TMTC2: variants seen among roughly 807,000 people sequenced by gnomAD.
TMTC2 encodes the protein protein O-mannosyl-transferase TMTC2.
TMTC2 carries 43 observed loss-of-function variants against 82.4 expected under a neutral mutation model. That is an observed-to-expected ratio of 0.52 (90% CI 0.41 to 0.67). TMTC2 has a LOEUF of 0.67. TMTC2 is among the 30% of genes least tolerant of loss of function. The pLI is 0.00. For missense variants in TMTC2, 919 were observed against 1,012.4 expected, an observed-to-expected ratio of 0.91 and a Z score of 1.25; for synonymous variants, 408 against 381.9, an observed-to-expected ratio of 1.07 and a Z score of -0.80.
chr12:82,955,792 T>C (rs1411125335), intron 4 of TMTC2, among the ~76,000 whole-genome samples: 2 of 152,146 alleles, frequency 1.3e-5, no homozygotes, highest in South Asian at 2.1e-4. Context: ...TTGTCTGTTG[T>C]TCTAAAAGAT....
At chr12:82,719,085 ATT>A (rs71068944) in intron 1 of TMTC2, among the ~76,000 whole-genome samples, 62 of 41,378 alleles carry the variant, frequency 1.5e-3, no homozygotes, top group African/African-American at 7.1e-3. Context: ...ATATATATAT[ATT>A]TTTTTTTTTT....
intron 11 of TMTC2, among the ~76,000 whole-genome samples, chr12:83,103,166 G>A (rs1454430573): frequency 6.6e-6 from 1 of 152,166 alleles, no homozygotes; most frequent in Non-Finnish European, 1.5e-5. Flanking sequence ...GAGGATGGAG[G>A]TCCAATATCC....
At chr12:82,837,979 G>C (rs950752770) in intron 1 of TMTC2, among the ~76,000 whole-genome samples, 2 of 152,154 alleles carry the variant, frequency 1.3e-5, no homozygotes, top group Non-Finnish European at 2.9e-5. Flanking sequence ...AATCTTGGTT[G>C]AAAATCTTTA....
intron 9 of TMTC2, among the ~76,000 whole-genome samples, chr12:83,047,154 G>A (rs1358519084): frequency 1.3e-5 from 2 of 152,138 alleles, no homozygotes; most frequent in Non-Finnish European, 2.9e-5. Context: ...GTTCCACTAT[G>A]GGAAGCCCAA....
chr12:83,106,551 C>T (rs1015365378), intron 11 of TMTC2, among the ~76,000 whole-genome samples: 1 of 149,582 alleles, frequency 6.7e-6, no homozygotes, highest in Non-Finnish European at 1.5e-5. Flanking sequence ...AAGATACACA[C>T]CAAGTTGAAT....
intron 8 of TMTC2, among the ~76,000 whole-genome samples, chr12:83,028,205 C>T (rs1341467001): frequency 6.6e-6 from 1 of 151,962 alleles, no homozygotes; most frequent in Non-Finnish European, 1.5e-5. Context: ...TGTGTATATA[C>T]ATATAAAGTA....
chr12:83,079,243 T>C (rs1180694618), intron 11 of TMTC2, among the ~76,000 whole-genome samples: 1 of 152,064 alleles, frequency 6.6e-6, no homozygotes, highest in Non-Finnish European at 1.5e-5. Flanking sequence ...TAGTAGATCT[T>C]CCCCTATGGA....
intron 11 of TMTC2, among the ~76,000 whole-genome samples, chr12:83,109,358 G>A (rs558880899): frequency 6.6e-6 from 1 of 152,174 alleles, no homozygotes; most frequent in African/African-American, 2.4e-5. Flanking sequence ...CAGCCCCTAT[G>A]ATCCAGTCAC....
At chr12:83,102,730 T>G (rs1027478587) in intron 11 of TMTC2, among the ~76,000 whole-genome samples, 2 of 152,188 alleles carry the variant, frequency 1.3e-5, no homozygotes, top group Non-Finnish European at 2.9e-5. Context: ...TATGTGTCAC[T>G]TCCTCTCTTC....
At chr12:82,797,909 T>C (rs1273277462) in intron 1 of TMTC2, among the ~76,000 whole-genome samples, 1 of 151,212 alleles carries the variant, frequency 6.6e-6, no homozygotes, top group Non-Finnish European at 1.5e-5. Context: ...TTTTTTAGAG[T>C]AGTAATTTTT....
intron 4 of TMTC2, among the ~76,000 whole-genome samples, chr12:82,937,919 T>TGA (rs1555199263): frequency 2.8e-5 from 1 of 36,030 alleles, no homozygotes; most frequent in South Asian, 1.9e-3. Context: ...TTTTTTTTTT[T>TGA]TTATTTTTTT....
intron 1 of TMTC2, among the ~76,000 whole-genome samples, chr12:82,774,134 C>T (rs1469746406): frequency 6.6e-6 from 1 of 151,846 alleles, no homozygotes; most frequent in African/African-American, 2.4e-5. Context: ...CAGGTTGATG[C>T]TGTTATATAT....
At chr12:82,768,607 C>T (rs1017748397) in intron 1 of TMTC2, among the ~76,000 whole-genome samples, 1 of 151,890 alleles carries the variant, frequency 6.6e-6, no homozygotes, top group African/African-American at 2.4e-5. Context: ...CTGGTTTTTT[C>T]GACTCTTCAT....
chr12:82,903,393 T>A (rs1323782697), intron 3 of TMTC2, among the ~76,000 whole-genome samples: 3 of 151,518 alleles, frequency 2.0e-5, no homozygotes, highest in Admixed American at 1.3e-4. Context: ...GAAGGTAGAG[T>A]TTTTTTGTTT....
intron 10 of TMTC2, among the ~76,000 whole-genome samples, chr12:83,057,209 T>G (rs1319889551): frequency 6.6e-6 from 1 of 152,088 alleles, no homozygotes; most frequent in Non-Finnish European, 1.5e-5. Flanking sequence ...AACTCTGCCC[T>G]TAGCAGCCCC....
At chr12:82,899,726 A>AAT (rs913249932) in intron 3 of TMTC2, among the ~76,000 whole-genome samples, 1 of 123,348 alleles carries the variant, frequency 8.1e-6, no homozygotes, top group African/African-American at 3.7e-5. Flanking sequence ...TATATATAAG[A>AAT]ATATATATAT....
chr12:83,018,670 T>C (rs1358772850), intron 8 of TMTC2, among the ~76,000 whole-genome samples: 1 of 150,098 alleles, frequency 6.7e-6, no homozygotes, highest in Non-Finnish European at 1.5e-5. Context: ...CGGGTTTTTT[T>C]TTTTTCCCTT....
chr12:83,044,708 T>G (rs1882025632), intron 9 of TMTC2, among the ~76,000 whole-genome samples: 1 of 152,234 alleles, frequency 6.6e-6, no homozygotes, highest in Admixed American at 6.5e-5. Flanking sequence ...TTCTAGTTGT[T>G]TTATAAAAAA....
At chr12:82,825,163 C>T (rs1360780865) in intron 1 of TMTC2, among the ~76,000 whole-genome samples, 1 of 151,820 alleles carries the variant, frequency 6.6e-6, no homozygotes, top group Non-Finnish European at 1.5e-5. Context: ...TTCAGCTCTT[C>T]CTTCCACAGA....
Sources: allele counts gnomAD v4.1 joint callset (sites outside exome capture counted in the v4.1 genomes callset), GRCh38; gene constraint gnomAD v4.1.1; transcripts MANE v1.5; gene names NCBI Gene and HGNC (gene_info 2026-07-23, HGNC 2026-07-21).